Variants in KCNIP4 observed in about 807,000 individuals in gnomAD.
KCNIP4 encodes the protein potassium voltage-gated channel interacting protein 4, also known as Kv channel-interacting protein 4.
A neutral mutation model predicts 34.0 loss-of-function variants in KCNIP4; 12 were observed. The observed-to-expected ratio is 0.35, with a 90% CI of 0.23 to 0.57. The LOEUF (loss-of-function observed/expected upper bound fraction) is 0.57, where lower values mean the gene tolerates loss of function less well. KCNIP4 is among the 20% of genes least tolerant of loss of function. The pLI is 0.83. For missense variants in KCNIP4, 238 were observed against 311.7 expected, an observed-to-expected ratio of 0.76 and a Z score of 1.78; for synonymous variants, 124 against 102.2, an observed-to-expected ratio of 1.21 and a Z score of -1.29.
chr4:21,771,709 C>T (rs555772413), intron 1 of KCNIP4, among the ~76,000 whole-genome samples: 3 of 152,194 alleles, frequency 2.0e-5, no homozygotes, highest in African/African-American at 7.2e-5. Context: ...GGAGTTCATT[C>T]ATGATTTAGC....
intron 1 of KCNIP4, among the ~76,000 whole-genome samples, chr4:21,187,549 G>A (rs1755325402): frequency 6.6e-6 from 1 of 152,142 alleles, no homozygotes; most frequent in Admixed American, 6.6e-5. Context: ...TAGGAACAGA[G>A]GGAAATGCGT....
At chr4:21,339,629 G>GA (rs765295229) in intron 1 of KCNIP4, among the ~76,000 whole-genome samples, 1 of 152,108 alleles carries the variant, frequency 6.6e-6, no homozygotes, top group Non-Finnish European at 1.5e-5. Flanking sequence ...ACATAGTGGG[G>GA]AAAAATTGCA....
chr4:21,490,419 C>A (rs1732290934), intron 1 of KCNIP4, among the ~76,000 whole-genome samples: 1 of 152,048 alleles, frequency 6.6e-6, no homozygotes, highest in African/African-American at 2.4e-5. Context: ...ATCCTCGACC[C>A]CAAGAAACCC....
chr4:21,027,965 G>A (rs367613513), intron 1 of KCNIP4, among the ~76,000 whole-genome samples: 4 of 152,020 alleles, frequency 2.6e-5, no homozygotes, highest in Non-Finnish European at 5.9e-5. Context: ...TCGCCACTTC[G>A]ATTTCTAATA....
chr4:21,475,235 C>A (rs191818852), intron 1 of KCNIP4, among the ~76,000 whole-genome samples: 3 of 152,150 alleles, frequency 2.0e-5, no homozygotes, highest in Non-Finnish European at 4.4e-5. Flanking sequence ...ATCAGCTTTA[C>A]CATTTTCTAA....
intron 3 of KCNIP4, among the ~76,000 whole-genome samples, chr4:20,759,156 G>T (rs1359762991): frequency 6.6e-6 from 1 of 152,118 alleles, no homozygotes; most frequent in Non-Finnish European, 1.5e-5. Flanking sequence ...CTGCTTTTAA[G>T]AACACATATG....
At chr4:21,038,497 T>C (rs899594747) in intron 1 of KCNIP4, among the ~76,000 whole-genome samples, 3 of 152,158 alleles carry the variant, frequency 2.0e-5, no homozygotes, top group Non-Finnish European at 4.4e-5. Context: ...TCTCCCACTT[T>C]CCTGGAGCAT....
chr4:21,365,479 AAAT>A (rs1433503192), intron 1 of KCNIP4, among the ~76,000 whole-genome samples: 1 of 26,040 alleles, frequency 3.8e-5, no homozygotes, highest in African/African-American at 1.5e-4. Flanking sequence ...CTGTCTCAAA[AAAT>A]AAATAAATAA....
At chr4:20,916,224 G>T in intron 1 of KCNIP4, 1 of 611,532 alleles carries the variant, frequency 1.6e-6, no homozygotes, top group Non-Finnish European at 2.0e-6. Context: ...ACTCTCTCAG[G>T]TTCTCTCTAT....
chr4:21,493,835 G>A (rs1732620521), intron 1 of KCNIP4, among the ~76,000 whole-genome samples: 1 of 152,166 alleles, frequency 6.6e-6, no homozygotes, highest in African/African-American at 2.4e-5. Flanking sequence ...TAGGGTGAAT[G>A]GGAGTTCAAA....
chr4:21,377,460 T>C (rs780888635), intron 1 of KCNIP4, among the ~76,000 whole-genome samples: 2 of 152,224 alleles, frequency 1.3e-5, no homozygotes, highest in Non-Finnish European at 2.9e-5. Flanking sequence ...CATTTAGTGA[T>C]TGATTACCAT....
At chr4:21,737,782 T>C (rs565863976) in intron 1 of KCNIP4, among the ~76,000 whole-genome samples, 1 of 152,130 alleles carries the variant, frequency 6.6e-6, no homozygotes, top group Non-Finnish European at 1.5e-5. Context: ...AAAACCTAAG[T>C]TAATAAAAGG....
chr4:21,586,371 T>C (rs976732220), intron 1 of KCNIP4, among the ~76,000 whole-genome samples: 1 of 152,006 alleles, frequency 6.6e-6, no homozygotes, highest in Non-Finnish European at 1.5e-5. Context: ...AACTTATGAA[T>C]AAAAGAGATG....
intron 1 of KCNIP4, among the ~76,000 whole-genome samples, chr4:21,393,994 C>T (rs1722765150): frequency 6.6e-6 from 1 of 152,102 alleles, no homozygotes; most frequent in Non-Finnish European, 1.5e-5. Context: ...TGGTTCAATC[C>T]CTACTTGCCT....
At chr4:20,953,442 C>T (rs554836379) in intron 1 of KCNIP4, among the ~76,000 whole-genome samples, 1 of 152,178 alleles carries the variant, frequency 6.6e-6, no homozygotes, top group African/African-American at 2.4e-5. Context: ...TATAAGCCTC[C>T]AAAGTGAGGT....
chr4:21,865,237 G>C (rs1725345785), intron 1 of KCNIP4, among the ~76,000 whole-genome samples: 2 of 151,520 alleles, frequency 1.3e-5, no homozygotes, highest in East Asian at 1.9e-4. Context: ...ATCCCCATAG[G>C]AAGCAAAAGA....
chr4:21,205,936 C>T (rs547776156), intron 1 of KCNIP4, among the ~76,000 whole-genome samples: 5 of 152,202 alleles, frequency 3.3e-5, no homozygotes, highest in Non-Finnish European at 5.9e-5. Context: ...TCCGTGACAT[C>T]GAGAGAGCTG....
At chr4:21,854,314 A>G (rs1367304933) in intron 1 of KCNIP4, among the ~76,000 whole-genome samples, 1 of 152,256 alleles carries the variant, frequency 6.6e-6, no homozygotes, top group Non-Finnish European at 1.5e-5. Flanking sequence ...ATTTAAACCT[A>G]CAAGATGAGA....
intron 1 of KCNIP4, among the ~76,000 whole-genome samples, chr4:21,235,656 A>G (rs1759304542): frequency 6.6e-6 from 1 of 152,196 alleles, no homozygotes; most frequent in Non-Finnish European, 1.5e-5. Context: ...AGCGTATCAT[A>G]AACTGTCAGC....
Sources: allele counts gnomAD v4.1 joint callset (sites outside exome capture counted in the v4.1 genomes callset), GRCh38; gene constraint gnomAD v4.1.1; transcripts MANE v1.5; gene names NCBI Gene and HGNC (gene_info 2026-07-23, HGNC 2026-07-21).